ITGB8: variants seen among roughly 807,000 people sequenced by gnomAD.
The protein encoded by ITGB8 is integrin beta-8.
A neutral mutation model predicts 89.5 loss-of-function variants in ITGB8; 30 were observed. That is an observed-to-expected ratio of 0.34 (90% CI 0.25 to 0.45). The LOEUF (loss-of-function observed/expected upper bound fraction) is 0.45, where lower values mean the gene tolerates loss of function less well. Among genes scored for constraint, ITGB8 ranks in the 20% least tolerant of loss-of-function variants. The pLI, the probability that ITGB8 is intolerant of heterozygous loss-of-function variation, is 1.00. For missense variants in ITGB8, 836 were observed against 933.3 expected (o/e 0.90, Z 1.36); for synonymous variants, 335 against 320.4 (o/e 1.05, Z -0.49).
At chr7:20,385,285 T>G (rs1017057219) in intron 6 of ITGB8, among the ~76,000 whole-genome samples, 1 of 152,250 alleles carries the variant, frequency 6.6e-6, no homozygotes, top group African/African-American at 2.4e-5. Context: ...CTCACAGTTT[T>G]AAATAGCGAG....
At chr7:20,405,453 G>A (rs1787498607) in intron 11 of ITGB8, among the ~76,000 whole-genome samples, 1 of 150,378 alleles carries the variant, frequency 6.6e-6, no homozygotes, top group African/African-American at 2.4e-5. Context: ...TGGGACTACA[G>A]GTGCCCGCCA....
intron 3 of ITGB8, among the ~76,000 whole-genome samples, chr7:20,372,376 T>C (rs1785968093): frequency 6.6e-6 from 1 of 152,184 alleles, no homozygotes; most frequent in African/African-American, 2.4e-5. Context: ...AGGAGAAAAC[T>C]AGGTAAACTT....
At chr7:20,362,571 G>T (rs988323252) in intron 1 of ITGB8, among the ~76,000 whole-genome samples, 2 of 152,120 alleles carry the variant, frequency 1.3e-5, no homozygotes, top group Non-Finnish European at 2.9e-5. Context: ...TAGCACTTTG[G>T]TGAAATCTCT....
chr7:20,373,685 C>G (rs769811995), intron 3 of ITGB8, among the ~76,000 whole-genome samples: 4 of 152,176 alleles, frequency 2.6e-5, no homozygotes, highest in Non-Finnish European at 5.9e-5. Flanking sequence ...GGAGTCTGTA[C>G]CTTGCCATTA....
chr7:20,344,525 G>T (rs1380673890), intron 1 of ITGB8, among the ~76,000 whole-genome samples: 1 of 152,196 alleles, frequency 6.6e-6, no homozygotes, highest in Non-Finnish European at 1.5e-5. Context: ...GTAAAGACTG[G>T]AAGAACAGAA....
chr7:20,373,334 C>T (rs1786011110), intron 3 of ITGB8, among the ~76,000 whole-genome samples: 1 of 151,924 alleles, frequency 6.6e-6, no homozygotes, highest in Admixed American at 6.6e-5. Context: ...ACTATTGATC[C>T]TAGTTGATGT....
At position 20,409,785 on chromosome 7, in the gene ITGB8, G is replaced by T. The variant is rs773010992; in HGVS notation, c.2187+7G>T. The T allele has an allele frequency of 4.3e-6, 7 of 1,612,312 alleles. No individual in the cohort carries two copies. Among genetic ancestry groups the T allele is most frequent in the Non-Finnish European group, 5.9e-6 (7 of 1,179,144 alleles). ...AGTGTCAGCCTCAAAAAAGGTCAGTGAATTCTAAAAAAGAACTGCTAACAG... is the reference window on the plus strand; with the variant it reads ...AGTGTCAGCCTCAAAAAAGGTCAGTTAATTCTAAAAAAGAACTGCTAACAG... On this transcript the variant is annotated splice_region_variant and intron_variant, in intron 13 of 13. Coordinates refer to ENST00000222573, the MANE Select transcript of ITGB8 (RefSeq NM_002214.3).
chr7:20,376,141 G>T (rs1346966931), intron 3 of ITGB8, among the ~76,000 whole-genome samples: 1 of 152,092 alleles, frequency 6.6e-6, no homozygotes, highest in Non-Finnish European at 1.5e-5. Context: ...GAAACTGAGG[G>T]TGCTGTCCCT....
intron 9 of ITGB8, 88 bp from the exon 10 acceptor site, chr7:20,401,633 T>G: frequency 1.3e-6 from 1 of 752,354 alleles, no homozygotes; most frequent in Non-Finnish European, 2.0e-6. Flanking sequence ...AGATGGTTTC[T>G]TATCAATTCA....
intron 1 of ITGB8, among the ~76,000 whole-genome samples, chr7:20,340,446 C>T: frequency 6.6e-6 from 1 of 152,174 alleles, no homozygotes; most frequent in East Asian, 1.9e-4. Context: ...CTCTGAAGAA[C>T]TGTACCAAAT....
rs909470611 is a variant in ITGB8, at chr7:20,334,734, T to C, written c.127+2801T>C. Among the ~76,000 whole-genome samples, 31 of 152,314 alleles carry C rather than the reference T, an allele frequency of 2.0e-4. No individual in the cohort carries two copies. In the South Asian group the frequency reaches 2.5e-3, roughly 12 times the overall value. ...GCATAATAAGCTCCCAAATTAATTC[T>C]ATCTTGAAGCAATGGAGACACTTTC... On this transcript the variant is annotated intron_variant, in intron 1 of 13. Coordinates refer to ENST00000222573, the MANE Select transcript of ITGB8 (RefSeq NM_002214.3).
intron 1 of ITGB8, among the ~76,000 whole-genome samples, chr7:20,360,002 A>T (rs1785438447): frequency 1.3e-5 from 2 of 152,060 alleles, no homozygotes. Context: ...CATTTATGGG[A>T]TCTTTTTTCC....
Position 20,409,635 on chromosome 7 carries a change from T to A in ITGB8, c.2044T>A (p.Tyr682Asn), listed in dbSNP as rs775982847. ...TACAGAATGTTTCTCCAGCCCAAGC[T>A]ACTTGAGAATATTTTTCATCATTTT... ...QTSECFSSPSYLRIFFIIFIV... is the reference protein window; with the variant it reads ...QTSECFSSPSNLRIFFIIFIV... Residue 682 changes from tyrosine (Y) to asparagine (N), a missense_variant, in exon 13 of 14, where the codon TAC becomes AAC. Tyr to Asn is a moderately radical substitution (Grantham distance 143). Coordinates refer to ENST00000222573, the MANE Select transcript of ITGB8 (RefSeq NM_002214.3). 3.7e-6 allele frequency: 6 copies of A among 1,607,878 alleles called. No individual in the cohort carries two copies. Among genetic ancestry groups the A allele is most frequent in the Non-Finnish European group, 5.1e-6 (6 of 1,178,344 alleles).
At chr7:20,336,237 CCTCGTGAT>C (rs1202381456) in intron 1 of ITGB8, among the ~76,000 whole-genome samples, 1 of 152,040 alleles carries the variant, frequency 6.6e-6, no homozygotes, top group African/African-American at 2.4e-5. Flanking sequence ...GATCTCCTGA[CCTCGTGAT>C]CTGCTCGCCT....
At chr7:20,399,566 C>CAAAA (rs35575681) in intron 9 of ITGB8, among the ~76,000 whole-genome samples, 25 of 145,294 alleles carry the variant, frequency 1.7e-4, no homozygotes, top group Non-Finnish European at 3.2e-4. Flanking sequence ...CATCATTTAC[C>CAAAA]AAAAAAAAAA....
chr7:20,332,161 G>C (rs1052551360), intron 1 of ITGB8: 2 of 944,180 alleles, frequency 2.1e-6, no homozygotes, highest in Admixed American at 3.1e-5. Context: ...GAGACACTCT[G>C]TGTTACTCCT....
At chr7:20,346,695 T>C in intron 1 of ITGB8, 1 of 985,270 alleles carries the variant, frequency 1.0e-6, no homozygotes, top group Non-Finnish European at 1.2e-6. Flanking sequence ...TTTCTCTGGG[T>C]GTCTTAAGAC....
chr7:20,365,984 A>G (rs868572624), intron 2 of ITGB8: 1 of 151,954 alleles, frequency 6.6e-6, no homozygotes, highest in African/African-American at 2.4e-5. Flanking sequence ...CAAAAGTAAA[A>G]CGTCTCTAGA....
At chr7:20,368,266 A>G (rs1459078740) in intron 3 of ITGB8, among the ~76,000 whole-genome samples, 1 of 152,222 alleles carries the variant, frequency 6.6e-6, no homozygotes, top group East Asian at 1.9e-4. Context: ...TTAGATTGGT[A>G]AGATTATAGC....
Sources: gnomAD v4.1 joint callset for allele counts (sites outside exome capture counted in the v4.1 genomes callset) on GRCh38, gnomAD v4.1.1 for gene constraint, MANE v1.5 for transcripts, NCBI Gene and HGNC (gene_info 2026-07-23, HGNC 2026-07-21) for gene names.